Variants in CNOT10 observed in about 807,000 individuals in gnomAD.
CNOT10 encodes the protein CCR4-NOT transcription complex, subunit 10.
In CNOT10, 30 loss-of-function variants were observed where a neutral mutation model predicts 94.6. That is an observed-to-expected ratio of 0.32 (90% CI 0.24 to 0.43). The LOEUF (loss-of-function observed/expected upper bound fraction) is 0.43, where lower values mean the gene tolerates loss of function less well. CNOT10 is among the 20% of genes least tolerant of loss of function. The pLI is 1.00. For synonymous variants in CNOT10, 289 were observed against 301.6 expected, an observed-to-expected ratio of 0.96 and a Z score of 0.43; for missense variants, 759 against 877.2, an observed-to-expected ratio of 0.87 and a Z score of 1.70.
intron 17 of CNOT10, among the ~76,000 whole-genome samples, chr3:32,767,075 G>T (rs1020976285): frequency 2.0e-5 from 3 of 152,206 alleles, no homozygotes; most frequent in Non-Finnish European, 4.4e-5. Flanking sequence ...AAAGGGAATT[G>T]CATGGTCAGA....
chr3:32,720,247 GA>G lies in CNOT10; in HGVS notation c.862+19del. On this transcript the variant is annotated intron_variant, in intron 8 of 18. Transcript: ENST00000328834. ...ATGAAAACAGGTAAAAGAAAATTGT[GA>G]AATTTTAACTTTTTTTTGCCTTGCT... The G allele has an allele frequency of 7.1e-7, 1 of 1,412,876 alleles. No homozygotes were observed. Among genetic ancestry groups the G allele is most frequent in the Non-Finnish European group, 9.8e-7 (1 of 1,024,198 alleles). The allele number at this position is 1,412,876 out of a possible 1,614,324, so 87.5% of individuals were successfully genotyped here.
chr3:32,704,261 G>T (rs908509930), intron 2 of CNOT10, among the ~76,000 whole-genome samples: 1 of 151,982 alleles, frequency 6.6e-6, no homozygotes. Flanking sequence ...ATTTCACTAA[G>T]CTGTTCAATT....
chr3:32,766,476 CAA>C (rs796548154), intron 17 of CNOT10, among the ~76,000 whole-genome samples: 1 of 45,498 alleles, frequency 2.2e-5, no homozygotes, highest in African/African-American at 6.9e-5. Flanking sequence ...ACTAAAAATA[CAA>C]AAAAATTAGC....
At chr3:32,762,913 C>G in intron 15 of CNOT10, 50 bp downstream of exon 15, 1 of 1,453,940 alleles carries the variant, frequency 6.9e-7, no homozygotes, top group South Asian at 1.6e-5. Context: ...CCATTTCCCT[C>G]CTGTCATAAT....
At chr3:32,691,196 CTG>C (rs1467146183) in intron 1 of CNOT10, among the ~76,000 whole-genome samples, 1 of 137,188 alleles carries the variant, frequency 7.3e-6, no homozygotes, top group African/African-American at 2.8e-5. Flanking sequence ...GAATCTCACT[CTG>C]TTGCCCAGGC....
chr3:32,701,152 G>A (rs1249478720), intron 1 of CNOT10, among the ~76,000 whole-genome samples: 1 of 152,102 alleles, frequency 6.6e-6, no homozygotes, highest in East Asian at 1.9e-4. Flanking sequence ...GCAGGTGCCT[G>A]TAGTCCCAGC....
chr3:32,737,786 A>G (rs1045615498), intron 13 of CNOT10, among the ~76,000 whole-genome samples: 2 of 152,036 alleles, frequency 1.3e-5, no homozygotes, highest in African/African-American at 4.8e-5. Context: ...ACTGCACTCT[A>G]GCCTGAGCAA....
intron 1 of CNOT10, among the ~76,000 whole-genome samples, chr3:32,688,366 AG>A (rs1274603763): frequency 3.3e-5 from 5 of 152,174 alleles, no homozygotes; most frequent in African/African-American, 2.4e-5. Context: ...TGGGAGGCTG[AG>A]GGGGGTGGAT....
chr3:32,750,079 C>T (rs930123910), intron 13 of CNOT10, among the ~76,000 whole-genome samples: 4 of 151,976 alleles, frequency 2.6e-5, no homozygotes, highest in Non-Finnish European at 2.9e-5. Context: ...GTCATGATAG[C>T]GCGTGCCTGT....
At chr3:32,755,675 T>A (rs1401736778) in intron 13 of CNOT10, among the ~76,000 whole-genome samples, 1 of 152,176 alleles carries the variant, frequency 6.6e-6, no homozygotes, top group Non-Finnish European at 1.5e-5. Context: ...ATCTATGGCT[T>A]GACAAATTTT....
chr3:32,764,868 T>G, intron 17 of CNOT10, 59 bp downstream of exon 17: 1 of 1,588,808 alleles, frequency 6.3e-7, no homozygotes, highest in Non-Finnish European at 8.6e-7. Flanking sequence ...GTTTGAGGTT[T>G]ATATTTTTTG....
intron 2 of CNOT10, 112 bp from the exon 3 acceptor site, chr3:32,704,699 T>A: frequency 8.1e-7 from 1 of 1,230,644 alleles, no homozygotes; most frequent in Non-Finnish European, 1.1e-6. Flanking sequence ...AACTACATCT[T>A]TCTTTTTAAG....
chr3:32,697,208 C>T (rs559633317), intron 1 of CNOT10, among the ~76,000 whole-genome samples: 11 of 152,254 alleles, frequency 7.2e-5, no homozygotes, highest in South Asian at 6.2e-4. Context: ...CCTTGGCCTC[C>T]CAAAGTGCTG....
intron 1 of CNOT10, among the ~76,000 whole-genome samples, chr3:32,687,423 C>T (rs1575192062): frequency 7.2e-6 from 1 of 138,272 alleles, no homozygotes; most frequent in Non-Finnish European, 1.6e-5. Context: ...TTTCTTTCTC[C>T]TTTTAAGTCC....
intron 17 of CNOT10, among the ~76,000 whole-genome samples, chr3:32,768,002 T>C (rs1241222259): frequency 6.6e-6 from 1 of 152,102 alleles, no homozygotes; most frequent in African/African-American, 2.4e-5. Context: ...CCCTTGGTTT[T>C]TAGGTTAATC....
chr3:32,754,985 G>A (rs1469738301), intron 13 of CNOT10, among the ~76,000 whole-genome samples: 2 of 151,358 alleles, frequency 1.3e-5, no homozygotes, highest in African/African-American at 2.4e-5. Flanking sequence ...GGTGGCTCAC[G>A]ACTGTAATCC....
chr3:32,715,723 C>T (rs920434413), intron 5 of CNOT10, among the ~76,000 whole-genome samples: 7 of 152,206 alleles, frequency 4.6e-5, no homozygotes, highest in African/African-American at 7.2e-5. Context: ...TTATTACGTT[C>T]GACTGTGAGC....
chr3:32,712,056 A>G (rs999676881), intron 4 of CNOT10, among the ~76,000 whole-genome samples: 2 of 151,444 alleles, frequency 1.3e-5, no homozygotes, highest in African/African-American at 4.9e-5. Context: ...TCCTCTCTTC[A>G]TTGGGTTCTT....
chr3:32,708,373 T>G (rs535506486), intron 3 of CNOT10, among the ~76,000 whole-genome samples: 1 of 152,288 alleles, frequency 6.6e-6, no homozygotes, highest in South Asian at 2.1e-4. Context: ...GTGTTACCAA[T>G]TGAAACAGGG....
Sources: allele counts gnomAD v4.1 joint callset (sites outside exome capture counted in the v4.1 genomes callset), GRCh38; gene constraint gnomAD v4.1.1; transcripts MANE v1.5; gene names NCBI Gene and HGNC (gene_info 2026-07-23, HGNC 2026-07-21).